FAM13C: variants seen among roughly 807,000 people sequenced by gnomAD.
FAM13C encodes protein FAM13C.
In FAM13C, 37 loss-of-function variants were observed where a neutral mutation model predicts 73.2. The ratio of observed to expected loss-of-function variants is 0.51; its 90% confidence interval spans 0.39 to 0.67. The LOEUF is 0.67. Ranked by LOEUF, FAM13C falls within the 30% of genes least tolerant of loss-of-function variation. The pLI is 0.00. For missense variants in FAM13C, 589 were observed against 715.6 expected, an observed-to-expected ratio of 0.82 and a Z score of 2.02; for synonymous variants, 246 against 260.9, an observed-to-expected ratio of 0.94 and a Z score of 0.55.
intron 4 of FAM13C, among the ~76,000 whole-genome samples, chr10:59,309,880 T>C (rs1848721636): frequency 6.6e-6 from 1 of 152,200 alleles, no homozygotes. Context: ...CCTAGGGTTA[T>C]GGGCAGCTGC....
At position 59,342,850 on chromosome 10, in the gene FAM13C, A is replaced by G. The variant is rs887179518; in HGVS notation, c.324+9420T>C. Among the ~76,000 whole-genome samples, 5 of 152,332 alleles carry G rather than the reference A, an allele frequency of 3.3e-5. No homozygotes were observed. The East Asian group carries it at 9.7e-4, about 29-fold the overall frequency. ...AGACTTTCCAAACAGCTTTACTTCT[A>G]AGCTCCAAAACAGGCTAAGTCCTTG... On this transcript the variant is annotated intron_variant, in intron 3 of 13. Coordinates refer to ENST00000618804, the MANE Select transcript of FAM13C (RefSeq NM_198215.4).
intron 3 of FAM13C, among the ~76,000 whole-genome samples, chr10:59,331,946 T>C (rs548008607): frequency 8.1e-4 from 124 of 152,212 alleles, no homozygotes; most frequent in African/African-American, 2.9e-3. Context: ...GAAGGACCCA[T>C]GCAGCATCTA....
At chr10:59,290,670 T>A (rs546246236) in intron 5 of FAM13C, among the ~76,000 whole-genome samples, 1 of 152,296 alleles carries the variant, frequency 6.6e-6, no homozygotes, top group East Asian at 1.9e-4. Context: ...TCTTTTAGCA[T>A]CTTGTTTATT....
chr10:59,321,449 T>C (rs1443508803), intron 4 of FAM13C, among the ~76,000 whole-genome samples: 3 of 149,464 alleles, frequency 2.0e-5, no homozygotes, highest in Non-Finnish European at 4.5e-5. Flanking sequence ...TTTTTTTTTT[T>C]TTTTTTTTTT....
At chr10:59,301,599 A>T (rs1847607793) in intron 5 of FAM13C, among the ~76,000 whole-genome samples, 1 of 152,332 alleles carries the variant, frequency 6.6e-6, no homozygotes, top group African/African-American at 2.4e-5. Flanking sequence ...GACTCTTACA[A>T]TCACCTCATT....
At chr10:59,322,366 T>C (rs566161796) in intron 4 of FAM13C, among the ~76,000 whole-genome samples, 32 of 152,172 alleles carry the variant, frequency 2.1e-4, no homozygotes, top group Non-Finnish European at 4.3e-4. Context: ...CTGACAGCGG[T>C]GCACAGAACA....
chr10:59,338,017 T>A (rs1852973367), intron 3 of FAM13C, among the ~76,000 whole-genome samples: 2 of 152,164 alleles, frequency 1.3e-5, no homozygotes, highest in Admixed American at 6.5e-5. Flanking sequence ...TGTCATAATG[T>A]ATTAGGATAC....
chr10:59,302,796 C>A lies in FAM13C; in HGVS notation c.507+5G>T. ...GTTCTTATAACCAGTAATGATTGCA[C>A]GTACCTCATTTAAGTCCTGCCGAGT... On this transcript the variant is annotated splice_donor_5th_base_variant and intron_variant, in intron 5 of 13. Transcript: ENST00000618804. The A allele has an allele frequency of 1.2e-6, 2 of 1,613,430 alleles. No individual in the cohort carries two copies. The highest frequency in any genetic ancestry group is 1.7e-6 in the Non-Finnish European group (2 of 1,179,358).
intron 1 of FAM13C, among the ~76,000 whole-genome samples, chr10:59,358,495 T>C (rs956841676): frequency 6.6e-6 from 1 of 152,236 alleles, no homozygotes; most frequent in Non-Finnish European, 1.5e-5. Flanking sequence ...TTCCCCTTCA[T>C]TAGCAGCATT....
chr10:59,301,750 A>C (rs541145430), intron 5 of FAM13C, among the ~76,000 whole-genome samples: 1 of 152,272 alleles, frequency 6.6e-6, no homozygotes, highest in Admixed American at 6.5e-5. Context: ...CACTACTATG[A>C]GGAAGATTGT....
chr10:59,263,908 G>A (rs1299358646), intron 9 of FAM13C, 177 bp downstream of exon 9: 1 of 609,118 alleles, frequency 1.6e-6, no homozygotes, highest in African/African-American at 1.8e-5. Flanking sequence ...TTTATTACAT[G>A]GGGCCAAACA....
At chr10:59,254,676 C>T (rs937180005) in intron 10 of FAM13C, among the ~76,000 whole-genome samples, 3 of 151,872 alleles carry the variant, frequency 2.0e-5, no homozygotes, top group African/African-American at 7.3e-5. Context: ...GATCTTGGCT[C>T]ACTGCAACCT....
intron 13 of FAM13C, among the ~76,000 whole-genome samples, chr10:59,249,674 A>G (rs1161752598): frequency 2.0e-5 from 3 of 152,200 alleles, no homozygotes; most frequent in African/African-American, 7.2e-5. Context: ...GGCCTTCCCA[A>G]TAAAATGTCT....
intron 3 of FAM13C, among the ~76,000 whole-genome samples, chr10:59,326,715 G>T (rs967220343): frequency 6.6e-6 from 1 of 152,134 alleles, no homozygotes; most frequent in Non-Finnish European, 1.5e-5. Context: ...CCCCAGCAAA[G>T]CTCACATGGG....
intron 6 of FAM13C, among the ~76,000 whole-genome samples, chr10:59,279,985 A>G (rs1358109815): frequency 6.6e-6 from 1 of 152,168 alleles, no homozygotes. Context: ...TGGAGGGAAG[A>G]GGGCAAGCTA....
At chr10:59,274,472 G>A (rs1844100902) in intron 6 of FAM13C, among the ~76,000 whole-genome samples, 1 of 152,138 alleles carries the variant, frequency 6.6e-6, no homozygotes, top group Admixed American at 6.6e-5. Context: ...CAGTGAGGAG[G>A]TCAGCACTCC....
chr10:59,292,219 C>T (rs778813731), intron 5 of FAM13C, among the ~76,000 whole-genome samples: 24 of 152,192 alleles, frequency 1.6e-4, no homozygotes, highest in Non-Finnish European at 3.1e-4. Flanking sequence ...GTTACTAGTA[C>T]TTAAATTATC....
chr10:59,359,700 A>G (rs371343587), intron 1 of FAM13C, among the ~76,000 whole-genome samples: 21 of 152,304 alleles, frequency 1.4e-4, no homozygotes, highest in African/African-American at 4.8e-4. Context: ...TTTAACACTG[A>G]CCTAAAGGTT....
chr10:59,312,977 C>T (rs1052975900), intron 4 of FAM13C, among the ~76,000 whole-genome samples: 3 of 152,198 alleles, frequency 2.0e-5, no homozygotes, highest in Non-Finnish European at 4.4e-5. Flanking sequence ...TTTTCATCTC[C>T]AATCCACTTC....
Sources: gnomAD v4.1 joint callset for allele counts (sites outside exome capture counted in the v4.1 genomes callset) on GRCh38, gnomAD v4.1.1 for gene constraint, MANE v1.5 for transcripts, NCBI Gene and HGNC (gene_info 2026-07-23, HGNC 2026-07-21) for gene names.